Variants in TLK1 observed in about 807,000 individuals in gnomAD.
The protein encoded by TLK1 is serine/threonine-protein kinase tousled-like 1.
TLK1 carries 24 observed loss-of-function variants against 105.3 expected under a neutral mutation model. The observed-to-expected ratio is 0.23, with a 90% confidence interval of 0.17 to 0.32. TLK1 has a LOEUF of 0.32. Ranked by LOEUF, TLK1 falls within the 10% of genes least tolerant of loss-of-function variation. The pLI is 1.00. For synonymous variants in TLK1, 321 were observed against 310.4 expected, an observed-to-expected ratio of 1.03 and a Z score of -0.36; for missense variants, 558 against 910.5, an observed-to-expected ratio of 0.61 and a Z score of 4.98.
At chr2:171,007,428 T>G (rs754383139) in intron 14 of TLK1, among the ~76,000 whole-genome samples, 4 of 152,016 alleles carry the variant, frequency 2.6e-5, no homozygotes, top group Non-Finnish European at 5.9e-5. Flanking sequence ...TTTTTGTAGG[T>G]TGGATAAAAC....
chr2:171,146,927 G>A (rs1431806206), intron 1 of TLK1, among the ~76,000 whole-genome samples: 1 of 152,158 alleles, frequency 6.6e-6, no homozygotes, highest in South Asian at 2.1e-4. Flanking sequence ...CCTAACTGGG[G>A]TCTAAGGGAT....
chr2:171,177,880 G>A (rs1274418699), intron 1 of TLK1, among the ~76,000 whole-genome samples: 1 of 152,010 alleles, frequency 6.6e-6, no homozygotes, highest in Admixed American at 6.6e-5. Context: ...CGCAACCTCT[G>A]CCTCCCGGGT....
At chr2:171,152,491 A>T (rs1242926455) in intron 1 of TLK1, among the ~76,000 whole-genome samples, 1 of 152,046 alleles carries the variant, frequency 6.6e-6, no homozygotes, top group African/African-American at 2.4e-5. Context: ...GGTTTGCTAT[A>T]TAATACATGC....
chr2:171,196,799 G>A (rs916253911), intron 1 of TLK1, among the ~76,000 whole-genome samples: 2 of 152,222 alleles, frequency 1.3e-5, no homozygotes, highest in African/African-American at 2.4e-5. Context: ...AAAGAAAGTT[G>A]AAGACAGATT....
chr2:171,144,674 A>G (rs1691720689), intron 1 of TLK1, among the ~76,000 whole-genome samples: 1 of 152,208 alleles, frequency 6.6e-6, no homozygotes, highest in Non-Finnish European at 1.5e-5. Context: ...ATCAGTGCTT[A>G]GAGGGAAATT....
At chr2:171,128,720 C>G (rs1176934602) in intron 1 of TLK1, among the ~76,000 whole-genome samples, 1 of 152,064 alleles carries the variant, frequency 6.6e-6, no homozygotes, top group Non-Finnish European at 1.5e-5. Context: ...TTTTTAAAAT[C>G]AATCTCTCAC....
intron 3 of TLK1, among the ~76,000 whole-genome samples, chr2:171,065,758 C>T (rs541274830): frequency 6.6e-6 from 1 of 152,306 alleles, no homozygotes; most frequent in South Asian, 2.1e-4. Context: ...AGGATGGTCT[C>T]GATCTCCTGA....
chr2:171,186,374 G>A (rs1463757203), intron 1 of TLK1, among the ~76,000 whole-genome samples: 2 of 152,162 alleles, frequency 1.3e-5, no homozygotes, highest in African/African-American at 4.8e-5. Flanking sequence ...CTCAGTCAGG[G>A]AGATGAGACA....
chr2:171,086,730 T>C (rs1688997192), intron 2 of TLK1, among the ~76,000 whole-genome samples: 1 of 151,324 alleles, frequency 6.6e-6, no homozygotes, highest in Admixed American at 6.6e-5. Flanking sequence ...GAGGGGAAGG[T>C]CCCGGAGATC....
chr2:171,074,048 G>A (rs991369151), intron 3 of TLK1, among the ~76,000 whole-genome samples: 2 of 151,704 alleles, frequency 1.3e-5, no homozygotes, highest in African/African-American at 2.4e-5. Context: ...GTGCCACCAC[G>A]ACCAGCTAAT....
intron 2 of TLK1, among the ~76,000 whole-genome samples, chr2:171,105,848 T>C (rs765349595): frequency 9.9e-5 from 15 of 152,136 alleles, no homozygotes; most frequent in Non-Finnish European, 1.6e-4. Flanking sequence ...CCAGCAATCC[T>C]ACTACTGGGT....
intron 1 of TLK1, among the ~76,000 whole-genome samples, chr2:171,172,016 ACTAT>A (rs756264398): frequency 9.2e-5 from 14 of 152,368 alleles, no homozygotes; most frequent in South Asian, 6.2e-4. Flanking sequence ...CAAACTAGAA[ACTAT>A]CTAAGTACTC....
At chr2:171,141,827 A>T (rs1156244233) in intron 1 of TLK1, among the ~76,000 whole-genome samples, 1 of 152,176 alleles carries the variant, frequency 6.6e-6, no homozygotes, top group East Asian at 1.9e-4. Flanking sequence ...GAAAAAAAAG[A>T]GTATTTTCAG....
At chr2:171,004,132 T>C (rs1684531237) in intron 18 of TLK1, among the ~76,000 whole-genome samples, 2 of 152,058 alleles carry the variant, frequency 1.3e-5, no homozygotes, top group African/African-American at 4.8e-5. Context: ...TTTTGTACTT[T>C]TAGTATTTTT....
intron 1 of TLK1, among the ~76,000 whole-genome samples, chr2:171,229,783 T>G (rs1471005916): frequency 6.6e-6 from 1 of 152,198 alleles, no homozygotes; most frequent in Non-Finnish European, 1.5e-5. Flanking sequence ...CAATCAATTT[T>G]TAAAAATCGT....
chr2:171,122,559 T>C (rs772839651), intron 1 of TLK1, among the ~76,000 whole-genome samples: 4 of 152,018 alleles, frequency 2.6e-5, no homozygotes, highest in Non-Finnish European at 5.9e-5. Flanking sequence ...ACTTTTTCTG[T>C]AAAGGGCCCA....
intron 1 of TLK1, among the ~76,000 whole-genome samples, chr2:171,187,031 C>G: frequency 8.5e-6 from 1 of 118,238 alleles, no homozygotes; most frequent in Admixed American, 1.1e-4. Flanking sequence ...GCACTCCAGC[C>G]TGGGTGACAG....
chr2:171,117,224 G>C, intron 2 of TLK1, among the ~76,000 whole-genome samples: 1 of 152,174 alleles, frequency 6.6e-6, no homozygotes, highest in East Asian at 1.9e-4. Context: ...CATGTGCACA[G>C]TTCACAATAG....
intron 1 of TLK1, among the ~76,000 whole-genome samples, chr2:171,128,195 G>C (rs559690995): frequency 6.6e-6 from 1 of 152,014 alleles, no homozygotes; most frequent in Non-Finnish European, 1.5e-5. Flanking sequence ...AGTTACTAAA[G>C]CATAGGGTTT....
Sources: allele counts gnomAD v4.1 joint callset (sites outside exome capture counted in the v4.1 genomes callset), GRCh38; gene constraint gnomAD v4.1.1; transcripts MANE v1.5; gene names NCBI Gene and HGNC (gene_info 2026-07-23, HGNC 2026-07-21).